The following PTPN14 variants were observed in gnomAD, a reference collection of about 807,000 sequenced individuals.
The protein encoded by PTPN14 is protein tyrosine phosphatase non-receptor type 14, also known as tyrosine-protein phosphatase non-receptor type 14.
In PTPN14, 53 loss-of-function variants were observed where a neutral mutation model predicts 126.8. The ratio of observed to expected loss-of-function variants is 0.42; its 90% CI spans 0.34 to 0.53. PTPN14 has a LOEUF of 0.53. PTPN14 is among the 20% of genes least tolerant of loss of function. The pLI is 0.08. For missense variants in PTPN14, 1,257 were observed against 1,552.9 expected (o/e 0.81, Z 3.20); for synonymous variants, 630 against 599.3 (o/e 1.05, Z -0.75).
intron 1 of PTPN14, chr1:214,533,173 C>T: frequency 1.3e-6 from 1 of 761,220 alleles, no homozygotes; most frequent in Non-Finnish European, 2.3e-6. Flanking sequence ...CCGCTACACC[C>T]TGCAGATGGA....
intron 13 of PTPN14, among the ~76,000 whole-genome samples, chr1:214,380,511 T>A (rs971365721): frequency 6.6e-6 from 1 of 152,162 alleles, no homozygotes; most frequent in Non-Finnish European, 1.5e-5. Context: ...AGCAGGGAAG[T>A]ATCTTCAAGG....
At chr1:214,409,865 G>A (rs147847225) in intron 5 of PTPN14, among the ~76,000 whole-genome samples, 2,604 of 152,262 alleles carry the variant, frequency 0.017, 83 homozygotes, top group African/African-American at 0.059. Context: ...ATGAGGTGGT[G>A]TTTCATCGTG....
chr1:214,417,737 T>C (rs551704193), intron 3 of PTPN14, among the ~76,000 whole-genome samples: 30 of 152,316 alleles, frequency 2.0e-4, no homozygotes, highest in African/African-American at 7.2e-4. Flanking sequence ...TCTGAAAGCA[T>C]GGGCTGTATT....
chr1:214,511,061 T>A (rs978447381), intron 1 of PTPN14, among the ~76,000 whole-genome samples: 6 of 152,020 alleles, frequency 3.9e-5, no homozygotes, highest in African/African-American at 4.8e-5. Flanking sequence ...TGGTTTTTTT[T>A]TTTTATTTTT....
At chr1:214,413,041 T>G (rs1659344230) in intron 4 of PTPN14, among the ~76,000 whole-genome samples, 1 of 151,706 alleles carries the variant, frequency 6.6e-6, no homozygotes, top group South Asian at 2.1e-4. Context: ...GGCTAATTTT[T>G]TATTTTTACT....
rs182028591 is a variant in PTPN14 at position 214,378,210 on chromosome 1, A to G, written c.2545-108T>C. The G allele has an allele frequency of 1.7e-3, 2,397 of 1,372,694 alleles. 6 individuals are homozygous for G. The highest frequency in any genetic ancestry group is 2.3e-3 in the Non-Finnish European group (2,328 of 1,023,800). The allele number at this position is 1,372,694 out of a possible 1,614,324, so 85.0% of individuals were successfully genotyped here. A position where few individuals can be genotyped will look rare whatever the true frequency, so the allele number is the denominator to read the frequency against. On this transcript the variant is annotated intron_variant, in intron 13 of 18. Coordinates refer to ENST00000366956, the MANE Select transcript of PTPN14 (RefSeq NM_005401.5). ...ACTCCCCAGCCAAGGAATGCAGACA[A>G]TCACCATCAGTAGGGCAAATTCAAA...
intron 1 of PTPN14, among the ~76,000 whole-genome samples, chr1:214,479,183 C>T (rs796541507): frequency 3.3e-5 from 5 of 152,036 alleles, no homozygotes; most frequent in African/African-American, 9.6e-5. Flanking sequence ...CACATCTCTA[C>T]AAAAAATTTA....
Position 214,457,864 on chromosome 1 carries a change from T to C in PTPN14, c.175-5890A>G, listed in dbSNP as rs191340666. 2.1e-3 allele frequency among the ~76,000 whole-genome samples: 319 copies of C among 152,292 alleles called. 1 individual carries two copies. The highest frequency in any genetic ancestry group is 3.4e-3 in the Middle Eastern group (1 of 294). ...ACTTACCACACATTTCAGTTCAAAA[T>C]AGCCACATTTCACGTGTTCCATAAC... On this transcript the variant is annotated intron_variant, in intron 2 of 18. Transcript: ENST00000366956.
chr1:214,459,453 G>T (rs192088555), intron 2 of PTPN14, among the ~76,000 whole-genome samples: 144 of 146,490 alleles, frequency 9.8e-4, no homozygotes, highest in African/African-American at 3.5e-3. Context: ...GTGCCCAGCT[G>T]ATCCCCACTC....
intron 8 of PTPN14, among the ~76,000 whole-genome samples, chr1:214,395,588 A>AACACACACACACACACACACACAC (rs57357032): frequency 6.0e-5 from 8 of 132,542 alleles, no homozygotes; most frequent in South Asian, 2.7e-4. Context: ...GGGACCCAAC[A>AACACACACACACACACACACACAC]ACACACACAC....
intron 1 of PTPN14, among the ~76,000 whole-genome samples, chr1:214,508,225 C>A (rs57030962): frequency 6.6e-6 from 1 of 152,164 alleles, no homozygotes; most frequent in African/African-American, 2.4e-5. Context: ...GAACCCAATG[C>A]TGTTTGACAG....
intron 3 of PTPN14, among the ~76,000 whole-genome samples, chr1:214,438,518 A>C (rs999640559): frequency 3.3e-5 from 5 of 152,222 alleles, no homozygotes; most frequent in African/African-American, 9.6e-5. Flanking sequence ...AGTTATCTTC[A>C]ATAATATCAA....
intron 3 of PTPN14, among the ~76,000 whole-genome samples, chr1:214,421,995 A>G (rs1223158196): frequency 1.3e-5 from 2 of 152,218 alleles, no homozygotes; most frequent in African/African-American, 4.8e-5. Context: ...TGTCGTGATC[A>G]GTACCTGGCA....
In PTPN14 at chr1:214,506,303, G is replaced by A. The variant is rs1334632100; in HGVS notation, c.-154-41346C>T. On this transcript the variant is annotated intron_variant, in intron 1 of 18. Transcript: ENST00000366956. ...GAGGATTGCTCGAGGTCAGGAATTCGAGACCAGATTGGGCAACACAGGAGG... is the reference window on the plus strand; with the variant it reads ...GAGGATTGCTCGAGGTCAGGAATTCAAGACCAGATTGGGCAACACAGGAGG... 3.9e-5 allele frequency among the ~76,000 whole-genome samples: 6 copies of A among 152,016 alleles called. No homozygotes were observed. The East Asian group carries it at 7.7e-4, about 20-fold the overall frequency.
intron 1 of PTPN14, among the ~76,000 whole-genome samples, chr1:214,479,106 G>A (rs1319465083): frequency 1.3e-5 from 2 of 152,004 alleles, no homozygotes; most frequent in Admixed American, 1.3e-4. Flanking sequence ...GGCACTTTGG[G>A]AGATCGAGGT....
At chr1:214,522,803 AT>A (rs975239824) in intron 1 of PTPN14, among the ~76,000 whole-genome samples, 117 of 152,242 alleles carry the variant, frequency 7.7e-4, no homozygotes, top group African/African-American at 2.8e-3. Flanking sequence ...AATTGTGAAA[AT>A]AAATGCCATG....
At position 214,457,741 on chromosome 1, in the gene PTPN14, G is replaced by A. The variant is rs139812874; in HGVS notation, c.175-5767C>T. ...TTTTAATAAATATTATTTAAAACACGTTCAAAATATCATTGCAACCTGTAC... is the reference window on the plus strand; with the variant it reads ...TTTTAATAAATATTATTTAAAACACATTCAAAATATCATTGCAACCTGTAC... On this transcript the variant is annotated intron_variant, in intron 2 of 18. Coordinates refer to ENST00000366956, the MANE Select transcript of PTPN14 (RefSeq NM_005401.5). 1.0e-3 allele frequency among the ~76,000 whole-genome samples: 156 copies of A among 152,114 alleles called. 1 individual carries two copies. Among genetic ancestry groups the A allele is most frequent in the Middle Eastern group, 3.4e-3 (1 of 294 alleles).
In PTPN14 at chr1:214,383,628, G is replaced by A. The variant is rs775058753; in HGVS notation, c.2227C>T (p.Arg743Cys). Residue 743 changes from arginine to cysteine, a missense_variant, in exon 13 of 19, where the codon CGC becomes TGC. This residue lies in a region of PTPN14 where 1,021 missense variants were observed against 1,183.3 expected (regional missense o/e 0.86). Transcript: ENST00000366956. This position sits in a 1 kb window ranked among gnomAD's most constrained non-coding sequence, Gnocchi z 4.4. ...TCAGGCGGGGGCTTGTTGGGGATGC[G>A]GGCCAGGGCCGCCTGCAGCTGGGCA... ...YSAQLQAALA[R>C]IPNKPPPEYP... 33 of 1,613,154 alleles carry A rather than the reference G, an allele frequency of 2.0e-5. No individual in the cohort carries two copies. In the African/African-American group the frequency reaches 2.4e-4, roughly 12 times the overall value.
rs1657839868 is a variant in PTPN14 at position 214,357,117 on chromosome 1, T to TAGCAACAAATACCCAAGGTACAGTCGCC, written c.*777_*804dup. On this transcript the variant is annotated 3_prime_UTR_variant, in exon 19 of 19. Coordinates refer to ENST00000366956, the MANE Select transcript of PTPN14 (RefSeq NM_005401.5). ...GGTCCTACTGAGCAAACAGGAGAGG[T>TAGCAACAAATACCCAAGGTACAGTCGCC]AGCAACAAATACCCAAGGTACAGTC... The TAGCAACAAATACCCAAGGTACAGTCGCC allele has an allele frequency of 6.6e-6, 1 of 152,012 alleles. No individual in the cohort carries two copies. The highest frequency in any genetic ancestry group is 1.5e-5 in the Non-Finnish European group (1 of 68,098). 9.4% of individuals were successfully genotyped at this position (152,012 alleles called of 1,614,324 possible). A position where few individuals can be genotyped will look rare whatever the true frequency, so the allele number is the denominator to read the frequency against.
Sources: gnomAD v4.1 joint callset for allele counts (sites outside exome capture counted in the v4.1 genomes callset) on GRCh38, gnomAD v4.1.1 for gene constraint, gnomAD v4.1.1 regional missense constraint, Gnocchi (gnomAD v3.1) non-coding constraint, MANE v1.5 for transcripts, NCBI Gene and HGNC (gene_info 2026-07-23, HGNC 2026-07-21) for gene names.